The following PIK3C2G variants were observed in gnomAD, a reference collection of about 807,000 sequenced individuals.
The protein encoded by PIK3C2G is phosphatidylinositol 3-kinase C2 domain-containing subunit gamma.
In PIK3C2G, 168 loss-of-function variants were observed where a neutral mutation model predicts 181.1. The observed-to-expected ratio is 0.93, with a 90% confidence interval of 0.82 to 1.05. The LOEUF (loss-of-function observed/expected upper bound fraction) is 1.05. Among genes scored for constraint, PIK3C2G ranks in the 50% least tolerant of loss-of-function variants. The probability of loss-of-function intolerance (pLI) is 0.00; values close to 1 mark genes in which losing one functional copy is unlikely to be tolerated. For synonymous variants in PIK3C2G, 573 were observed against 592.2 expected (o/e 0.97, Z 0.47); for missense variants, 1,869 against 1,732.8 (o/e 1.08, Z -1.40).
At chr12:18,564,632 A>G (rs900033549) in intron 28 of PIK3C2G, among the ~76,000 whole-genome samples, 1 of 152,122 alleles carries the variant, frequency 6.6e-6, no homozygotes. Flanking sequence ...AATTAAGAGC[A>G]TACTCAAGAG....
chr12:18,612,171 G>A (rs372648192), intron 31 of PIK3C2G, among the ~76,000 whole-genome samples: 16 of 152,044 alleles, frequency 1.1e-4, no homozygotes, highest in African/African-American at 3.9e-4. Flanking sequence ...TGGCAGGCAT[G>A]TTGCTGCCCC....
Position 18,546,432 on chromosome 12 carries a change from A to G in PIK3C2G, c.3590A>G (p.Lys1197Arg). 1 of 1,508,730 alleles carries G rather than the reference A, an allele frequency of 6.6e-7. No individual in the cohort carries two copies. Among genetic ancestry groups the G allele is most frequent in the Non-Finnish European group, 9.2e-7 (1 of 1,092,466 alleles). 93.5% of individuals were successfully genotyped at this position (1,508,730 alleles called of 1,614,324 possible). A position where few individuals can be genotyped will look rare whatever the true frequency, so the allele number is the denominator to read the frequency against. Residue 1197 changes from lysine (K) to arginine (R), a missense_variant and splice_region_variant, in exon 26 of 33, where the codon AAG (lysine) becomes AGG (arginine). Coordinates refer to ENST00000538779, the MANE Select transcript of PIK3C2G (RefSeq NM_001288772.2). Reference protein sequence around the residue: ...TDLEATSHFTKKIKESLECFP... With the variant: ...TDLEATSHFTRKIKESLECFP... ...CTGGAAGCAACAAGTCATTTTACCA[A>G]GTAAGATCACCTATGAATGTGTGAG...
At chr12:18,575,953 C>G (rs1456904103) in intron 29 of PIK3C2G, among the ~76,000 whole-genome samples, 2 of 152,106 alleles carry the variant, frequency 1.3e-5, no homozygotes, top group African/African-American at 4.8e-5. Flanking sequence ...ACCTAAGGGA[C>G]TGAAAGATTG....
intron 5 of PIK3C2G, among the ~76,000 whole-genome samples, chr12:18,304,835 A>C (rs775127419): frequency 1.6e-4 from 24 of 152,206 alleles, no homozygotes; most frequent in Non-Finnish European, 2.8e-4. Context: ...AAGACTTCAA[A>C]TATTAAAATT....
the PIK3C2G span, among the ~76,000 whole-genome samples, chr12:18,680,355 A>G: frequency 5.8e-4 from 88 of 152,140 alleles, 1 homozygote; most frequent in African/African-American, 2.0e-3. Context: ...CATGTTTTAC[A>G]TCCCTCAAGA....
chr12:18,248,742 T>C (rs1358098480), intron 1 of PIK3C2G, among the ~76,000 whole-genome samples: 1 of 152,214 alleles, frequency 6.6e-6, no homozygotes, highest in Non-Finnish European at 1.5e-5. Context: ...TCTTGTCTTA[T>C]ATGTCTTTGG....
intron 31 of PIK3C2G, among the ~76,000 whole-genome samples, chr12:18,632,310 G>T (rs192778470): frequency 6.6e-6 from 1 of 151,990 alleles, no homozygotes; most frequent in African/African-American, 2.4e-5. Context: ...CTTAAGTACT[G>T]TCCTCACATT....
intron 13 of PIK3C2G, among the ~76,000 whole-genome samples, chr12:18,373,251 C>T (rs1015868109): frequency 4.6e-5 from 7 of 152,120 alleles, no homozygotes; most frequent in East Asian, 1.9e-4. Context: ...CATTTCCTTT[C>T]GGGGGTAATC....
intron 5 of PIK3C2G, among the ~76,000 whole-genome samples, chr12:18,298,633 C>A (rs1312110108): frequency 6.6e-6 from 1 of 151,742 alleles, no homozygotes; most frequent in Non-Finnish European, 1.5e-5. Context: ...CACCAATGTT[C>A]TGGAACATTT....
At chr12:18,420,728 T>G (rs1297630826) in intron 16 of PIK3C2G, among the ~76,000 whole-genome samples, 1 of 152,098 alleles carries the variant, frequency 6.6e-6, no homozygotes, top group Non-Finnish European at 1.5e-5. Context: ...ATTTCCAAAG[T>G]CTAGTTGAAA....
chr12:18,300,280 A>AG (rs1352924731), intron 5 of PIK3C2G, among the ~76,000 whole-genome samples: 2 of 151,922 alleles, frequency 1.3e-5, no homozygotes, highest in African/African-American at 4.8e-5. Context: ...GTATGTGTTT[A>AG]TTGGATACAT....
chr12:18,272,882 G>A (rs1446568221), intron 1 of PIK3C2G, among the ~76,000 whole-genome samples: 1 of 151,994 alleles, frequency 6.6e-6, no homozygotes, highest in Non-Finnish European at 1.5e-5. Flanking sequence ...TCTTTTACTA[G>A]GTAATGATGT....
the PIK3C2G span, among the ~76,000 whole-genome samples, chr12:18,678,642 T>G: frequency 4.6e-4 from 70 of 152,218 alleles, 1 homozygote; most frequent in South Asian, 0.014. Flanking sequence ...TCATTCATTT[T>G]AATCATTTTG....
At chr12:18,246,157 C>A (rs960284013), upstream of PIK3C2G, among the ~76,000 whole-genome samples, 4 of 152,080 alleles carry the variant, frequency 2.6e-5, no homozygotes, top group African/African-American at 9.7e-5. Context: ...AATCAAACCA[C>A]AATGGGCAAA....
At chr12:18,402,898 AC>A (rs1203251805) in intron 16 of PIK3C2G, among the ~76,000 whole-genome samples, 2 of 152,202 alleles carry the variant, frequency 1.3e-5, no homozygotes, top group East Asian at 3.9e-4. Flanking sequence ...ATCCATAACA[AC>A]CTTATGATGG....
At chr12:18,676,007 A>AT in the PIK3C2G span, among the ~76,000 whole-genome samples, 8 of 122,250 alleles carry the variant, frequency 6.5e-5, no homozygotes, top group South Asian at 3.4e-4. Flanking sequence ...TTCTGAATCT[A>AT]TTTAAAAAAA....
the PIK3C2G span, among the ~76,000 whole-genome samples, chr12:18,703,131 G>T: frequency 6.6e-6 from 1 of 152,204 alleles, no homozygotes; most frequent in East Asian, 1.9e-4. Flanking sequence ...TCCAGAATTG[G>T]ACTATGATTT....
Position 18,315,617 on chromosome 12 carries a change from C to T in PIK3C2G, c.1137+1553C>T, listed in dbSNP as rs561893334. ...ATACATGTCTGAGACTTTAACATTT[C>T]TATCACATTTAATCTTTTCAATAAT... is the stretch of plus-strand genomic sequence containing the variant. On this transcript the variant is annotated intron_variant, in intron 6 of 32. Transcript: ENST00000538779. Among the ~76,000 whole-genome samples the T allele has an allele frequency of 1.1e-4, 16 of 152,246 alleles. 1 individual carries two copies. Among genetic ancestry groups the T allele is most frequent in the African/African-American group, 3.9e-4 (16 of 41,530 alleles).
intron 30 of PIK3C2G, among the ~76,000 whole-genome samples, chr12:18,603,226 C>T (rs776047164): frequency 4.7e-4 from 71 of 152,082 alleles, no homozygotes; most frequent in Non-Finnish European, 8.4e-4. Context: ...ATGCAAAATG[C>T]TCTGGAAATT....
Sources: allele counts gnomAD v4.1 joint callset (sites outside exome capture counted in the v4.1 genomes callset), GRCh38; gene constraint gnomAD v4.1.1; transcripts MANE v1.5; gene names NCBI Gene and HGNC (gene_info 2026-07-23, HGNC 2026-07-21).